GALNT14: variants seen among roughly 807,000 people sequenced by gnomAD.
GALNT14 encodes polypeptide N-acetylgalactosaminyltransferase 14, also known as UDP-GalNAc:polypeptide N-acetylgalactosaminyltransferase 14.
GALNT14 carries 60 observed loss-of-function variants against 77.5 expected under a neutral mutation model. The ratio of observed to expected loss-of-function variants is 0.77; its 90% CI spans 0.63 to 0.96. GALNT14 has a LOEUF of 0.96. Ranked by LOEUF, GALNT14 falls within the 40% of genes least tolerant of loss-of-function variation. The probability of loss-of-function intolerance (pLI) is 0.00; values close to 1 mark genes in which losing one functional copy is unlikely to be tolerated. For synonymous variants in GALNT14, 280 were observed against 281.7 expected, an observed-to-expected ratio of 0.99 and a Z score of 0.06; for missense variants, 710 against 731.0, an observed-to-expected ratio of 0.97 and a Z score of 0.33.
In GALNT14 at chr2:30,992,850, G is replaced by C. The variant is rs1165523731; in HGVS notation, c.287C>G (p.Thr96Ser). 1.2e-6 allele frequency: 2 copies of C among 1,613,298 alleles called. No individual in the cohort carries two copies. The highest frequency in any genetic ancestry group is 3.3e-5 in the Admixed American group (2 of 60,008). ...RISSNRAIPD[T>S]RHLRCTLLVY... is the part of the protein sequence containing the mutation. ...AAGGAGGAAGTACCTCAGATGGCGA[G>C]TGTCCGGGATGGCCCGATTGCTGGA... The change falls in exon 2 of 15, where the codon ACT (threonine) becomes AGT (serine). Residue 96 changes from threonine to serine, a missense_variant. Physicochemically the swap from Thr to Ser is moderately conservative, Grantham distance 58. Transcript: ENST00000349752.
intron 1 of GALNT14, among the ~76,000 whole-genome samples, chr2:31,036,212 T>C (rs1672729572): frequency 6.6e-6 from 1 of 152,214 alleles, no homozygotes. Context: ...GTTCCTCTAT[T>C]TCTCCATTAC....
chr2:31,133,200 A>G (rs560956310), intron 1 of GALNT14, among the ~76,000 whole-genome samples: 10 of 152,198 alleles, frequency 6.6e-5, no homozygotes, highest in African/African-American at 2.2e-4. Context: ...CTCCGCGTGT[A>G]TTAAACTCTT....
intron 2 of GALNT14, among the ~76,000 whole-genome samples, chr2:30,981,276 G>C (rs771555145): frequency 1.3e-5 from 2 of 152,224 alleles, no homozygotes; most frequent in Non-Finnish European, 2.9e-5. Flanking sequence ...ACTTGACAGT[G>C]ATCCAGGTTT....
chr2:30,955,536 C>T (rs1158819454), intron 6 of GALNT14, 82 bp downstream of exon 6: 3 of 1,533,324 alleles, frequency 2.0e-6, no homozygotes, highest in African/African-American at 2.7e-5. Context: ...CTGGGGGTTG[C>T]ACATGTGAAG....
At chr2:31,104,639 A>G (rs1488418462) in intron 1 of GALNT14, among the ~76,000 whole-genome samples, 1 of 152,198 alleles carries the variant, frequency 6.6e-6, no homozygotes, top group Non-Finnish European at 1.5e-5. Context: ...GGAATTCCTC[A>G]GTCTTTCTCT....
chr2:30,914,600 C>A (rs190456913), intron 13 of GALNT14, among the ~76,000 whole-genome samples: 161 of 152,292 alleles, frequency 1.1e-3, no homozygotes, highest in African/African-American at 3.6e-3. Context: ...ACTCCTGATT[C>A]TACACCAAAC....
At chr2:30,916,752 G>C (rs1664703880) in intron 13 of GALNT14, among the ~76,000 whole-genome samples, 1 of 152,042 alleles carries the variant, frequency 6.6e-6, no homozygotes, top group South Asian at 2.1e-4. Flanking sequence ...TGCACAGGAT[G>C]GCGAAGCAGG....
downstream of GALNT14, among the ~76,000 whole-genome samples, chr2:30,910,118 AG>A (rs1664270782): frequency 6.6e-6 from 1 of 150,446 alleles, no homozygotes; most frequent in Admixed American, 6.6e-5. Context: ...CTAGATGACG[AG>A]TTAGTGGGTG....
At chr2:30,889,105 G>T in the GALNT14 span, among the ~76,000 whole-genome samples, 1 of 152,220 alleles carries the variant, frequency 6.6e-6, no homozygotes, top group East Asian at 1.9e-4. Flanking sequence ...CAGAGTTGCA[G>T]ATGATTCATT....
At chr2:31,045,062 T>C (rs527917140) in intron 1 of GALNT14, among the ~76,000 whole-genome samples, 4 of 152,206 alleles carry the variant, frequency 2.6e-5, no homozygotes, top group African/African-American at 9.6e-5. Context: ...TCAGGATCCA[T>C]GTGTATAAGG....
chr2:30,956,445 A>G (rs1667374727), intron 4 of GALNT14, among the ~76,000 whole-genome samples: 1 of 152,248 alleles, frequency 6.6e-6, no homozygotes. Context: ...TAATCACATC[A>G]TGGAGAATGG....
chr2:31,070,388 T>C (rs747678494), intron 1 of GALNT14, among the ~76,000 whole-genome samples: 2 of 152,186 alleles, frequency 1.3e-5, no homozygotes, highest in Non-Finnish European at 2.9e-5. Flanking sequence ...GCCTAGGCTG[T>C]CCTGTCCTCA....
rs749249141 is a variant in GALNT14 at position 30,924,203 on chromosome 2, T to C, written c.1296A>G (p.Glu432=). The C allele has an allele frequency of 3.7e-6, 6 of 1,614,092 alleles. No homozygotes were observed. The highest frequency in any genetic ancestry group is 2.7e-5 in the African/African-American group (2 of 74,940). ...TTTCTTGGTTGTTCTGCCTTTGAGATTCCAGGCACTTCTGTCTCTGTCGGA... is the reference window on the plus strand; with the variant it reads ...TTTCTTGGTTGTTCTGCCTTTGAGACTCCAGGCACTTCTGTCTCTGTCGGA... ...GNIRQRQKCL[E]SQRQNNQETP... The change falls in exon 13 of 15, where the codon GAA becomes GAG. Residue 432 remains glutamate (E), a synonymous_variant. Transcript: ENST00000349752.
At chr2:31,070,111 G>T (rs1214611232) in intron 1 of GALNT14, among the ~76,000 whole-genome samples, 3 of 152,140 alleles carry the variant, frequency 2.0e-5, no homozygotes, top group African/African-American at 7.2e-5. Flanking sequence ...CCACTGGAGT[G>T]ATGTCCCAGG....
At chr2:31,088,530 G>T (rs1676571995) in intron 1 of GALNT14, among the ~76,000 whole-genome samples, 1 of 152,170 alleles carries the variant, frequency 6.6e-6, no homozygotes, top group Non-Finnish European at 1.5e-5. Flanking sequence ...GCGATGTGTG[G>T]CACAGGCTTG....
chr2:30,965,936 T>A (rs781594025), intron 3 of GALNT14, among the ~76,000 whole-genome samples: 4 of 152,182 alleles, frequency 2.6e-5, no homozygotes, highest in Non-Finnish European at 5.9e-5. Context: ...CCGAGGGCTC[T>A]GAGGCTGCTT....
At chr2:30,919,301 T>G (rs181389774) in intron 13 of GALNT14, among the ~76,000 whole-genome samples, 75 of 152,284 alleles carry the variant, frequency 4.9e-4, no homozygotes, top group African/African-American at 1.5e-3. Context: ...ACACTCAGAT[T>G]AAATATTTTG....
chr2:30,918,071 T>TC (rs1664791480), intron 13 of GALNT14, among the ~76,000 whole-genome samples: 2 of 152,178 alleles, frequency 1.3e-5, no homozygotes, highest in Admixed American at 6.5e-5. Context: ...GGAGGCTTTT[T>TC]CTCCAGAGGC....
intron 1 of GALNT14, among the ~76,000 whole-genome samples, chr2:31,039,074 C>T (rs549820448): frequency 2.3e-4 from 35 of 152,152 alleles, no homozygotes; most frequent in Non-Finnish European, 4.3e-4. Flanking sequence ...ACAAATGCTC[C>T]CCGGATTGTT....
Sources: gnomAD v4.1 joint callset for allele counts (sites outside exome capture counted in the v4.1 genomes callset) on GRCh38, gnomAD v4.1.1 for gene constraint, MANE v1.5 for transcripts, NCBI Gene and HGNC (gene_info 2026-07-23, HGNC 2026-07-21) for gene names.